Variants in PRKAR1A observed in about 807,000 individuals in gnomAD.
The protein encoded by PRKAR1A is protein kinase cAMP-dependent type I regulatory subunit alpha.
Under a neutral mutation model 52.0 loss-of-function variants are expected in PRKAR1A, and 3 were observed. The ratio of observed to expected loss-of-function variants is 0.06; its 90% CI spans 0.03 to 0.15. The LOEUF is 0.15. Among genes scored for constraint, PRKAR1A ranks in the 10% least tolerant of loss-of-function variants. PRKAR1A has a pLI of 1.00. For synonymous variants in PRKAR1A, 188 were observed against 168.4 expected (o/e 1.12, Z -0.90); for missense variants, 240 against 477.4 (o/e 0.50, Z 4.63).
At chr17:68,537,107 C>T (rs372549540), downstream of PRKAR1A, 923 of 470,710 alleles carry the variant, frequency 2.0e-3, 2 homozygotes, top group Middle Eastern at 3.3e-3. The surrounding 1 kb of genome is among the most constrained non-coding windows in gnomAD (Gnocchi z 4.2). Context: ...GAATAAGGAT[C>T]CTGAGAAGTC....
the PRKAR1A span, among the ~76,000 whole-genome samples, chr17:68,415,184 C>T: frequency 2.6e-5 from 4 of 152,060 alleles, no homozygotes; most frequent in Admixed American, 6.6e-5. Context: ...CCCCTTAGCC[C>T]CTCCTTTGCT....
intron 1 of PRKAR1A, chr17:68,513,135 C>T (rs942884529): frequency 6.6e-6 from 1 of 152,458 alleles, no homozygotes; most frequent in Non-Finnish European, 1.5e-5. Context: ...ATTTTGCCCC[C>T]CTGAGGCCTC....
chr17:68,524,160 T>A, intron 5 of PRKAR1A, 83 bp downstream of exon 5: 1 of 1,434,638 alleles, frequency 7.0e-7, no homozygotes, highest in Non-Finnish European at 9.8e-7. Context: ...TTATTGAAGT[T>A]TGTTTTCCTC....
chr17:68,494,623 TG>T, the PRKAR1A span, among the ~76,000 whole-genome samples: 2 of 152,136 alleles, frequency 1.3e-5, no homozygotes, highest in Non-Finnish European at 2.9e-5. Context: ...ATGCAGCTTT[TG>T]CCTGCCTCTC....
chr17:68,459,978 G>C, the PRKAR1A span, among the ~76,000 whole-genome samples: 1 of 151,716 alleles, frequency 6.6e-6, no homozygotes, highest in African/African-American at 2.4e-5. Context: ...CCGCCACCAT[G>C]CCCAGCTAAT....
the PRKAR1A span, among the ~76,000 whole-genome samples, chr17:68,461,487 A>G: frequency 6.6e-6 from 1 of 152,212 alleles, no homozygotes; most frequent in Non-Finnish European, 1.5e-5. This position sits in a 1 kb window ranked among gnomAD's most constrained non-coding sequence, Gnocchi z 4.6. Context: ...CTGTCACCCC[A>G]TATGGTCATT....
At chr17:68,457,256 A>G in the PRKAR1A span, 1 of 1,477,446 alleles carries the variant, frequency 6.8e-7, no homozygotes, top group East Asian at 2.8e-5. Flanking sequence ...CTCGAGGCGG[A>G]AGCCACAAGC....
Position 68,515,531 on chromosome 17 carries a change from G to A in PRKAR1A, c.132G>A (p.Glu44=), listed in dbSNP as rs145590804. 47 of 1,612,936 alleles carry A rather than the reference G, an allele frequency of 2.9e-5. No homozygotes were observed. Among genetic ancestry groups the A allele is most frequent in the Non-Finnish European group, 3.9e-5 (46 of 1,180,034 alleles). Residue 44 remains glutamate, a synonymous_variant, in exon 2 of 11, where the codon GAG becomes GAA. Transcript: ENST00000589228. ...SIVQLCTARP[E]RPMAFLREYF... ...TGCAGTTGTGCACTGCTCGACCTGAGAGACCCATGGCATTCCTCAGGGAAT... is the reference window on the plus strand; with the variant it reads ...TGCAGTTGTGCACTGCTCGACCTGAAAGACCCATGGCATTCCTCAGGGAAT...
chr17:68,533,110 A>C lies in PRKAR1A; in HGVS notation c.*2661A>C, dbSNP rs2086021199. 9.4e-7 allele frequency: 1 copy of C among 1,064,584 alleles called. No homozygotes were observed. Among genetic ancestry groups the C allele is most frequent in the Non-Finnish European group, 1.1e-6 (1 of 878,824 alleles). 65.9% of individuals were successfully genotyped at this position (1,064,584 alleles called of 1,614,324 possible). ...GGGGAAACATCATTTCTAGATTAGC[A>C]TACTCTTTGGTTTAAATTTAATATA... is the stretch of plus-strand genomic sequence containing the variant. On this transcript the variant is annotated 3_prime_UTR_variant, in exon 11 of 11. Coordinates refer to ENST00000589228, the MANE Select transcript of PRKAR1A (RefSeq NM_002734.5).
the PRKAR1A span, among the ~76,000 whole-genome samples, chr17:68,496,818 CTTTTTTTTTTTT>C: frequency 2.2e-5 from 2 of 91,240 alleles, no homozygotes; most frequent in East Asian, 3.4e-4. Context: ...TTAGTTTTTA[CTTTTTTTTTTTT>C]TTTTTTTTTT....
At chr17:68,506,999 G>C (rs866379518), upstream of PRKAR1A, among the ~76,000 whole-genome samples, 1 of 152,102 alleles carries the variant, frequency 6.6e-6, no homozygotes, top group Non-Finnish European at 1.5e-5. Context: ...TTATTTCCTG[G>C]GGAGAAAGCC....
chr17:68,458,562 GAA>G, the PRKAR1A span, among the ~76,000 whole-genome samples: 55 of 152,330 alleles, frequency 3.6e-4, no homozygotes, highest in Non-Finnish European at 6.2e-4. Flanking sequence ...TGAAAAAAAT[GAA>G]AGTGTGTGTA....
chr17:68,435,819 C>T, the PRKAR1A span: 1 of 969,640 alleles, frequency 1.0e-6, no homozygotes, highest in Non-Finnish European at 1.6e-6. Context: ...TGTCCAGCTC[C>T]CTGTCTCTTC....
the PRKAR1A span, among the ~76,000 whole-genome samples, chr17:68,501,609 C>A: frequency 1.3e-5 from 2 of 152,180 alleles, no homozygotes; most frequent in Non-Finnish European, 2.9e-5. Context: ...ATGTGCATAA[C>A]CATGCCTGGC....
At chr17:68,489,167 T>C in the PRKAR1A span, among the ~76,000 whole-genome samples, 1 of 109,526 alleles carries the variant, frequency 9.1e-6, no homozygotes, top group East Asian at 2.6e-4. Flanking sequence ...AAATACTAAG[T>C]GAGCACCCAT....
chr17:68,452,568 AAAAG>A, the PRKAR1A span, among the ~76,000 whole-genome samples: 2 of 152,214 alleles, frequency 1.3e-5, no homozygotes, highest in African/African-American at 2.4e-5. Flanking sequence ...CCATCTCAAA[AAAAG>A]AAAGAAAGAA....
chr17:68,432,130 C>G, the PRKAR1A span, among the ~76,000 whole-genome samples: 1 of 151,930 alleles, frequency 6.6e-6, no homozygotes, highest in African/African-American at 2.4e-5. Flanking sequence ...TTGGGTTACA[C>G]CTGTGCAGAT....
At position 68,531,538 on chromosome 17, in the gene PRKAR1A, A is replaced by G. The variant is rs1278060633; in HGVS notation, c.*1089A>G. ...TCACTGGGGCATGAGATTTTGGAAG[A>G]AGTTTTTTACTTTGGTTTAGTCTTT... On this transcript the variant is annotated 3_prime_UTR_variant, in exon 11 of 11. Transcript: ENST00000589228. The G allele has an allele frequency of 2.8e-6, 3 of 1,066,196 alleles. No homozygotes were observed. In the African/African-American group the frequency reaches 4.9e-5, roughly 17 times the overall value. 66.0% of individuals were successfully genotyped at this position (1,066,196 alleles called of 1,614,324 possible). A position where few individuals can be genotyped will look rare whatever the true frequency, so the allele number is the denominator to read the frequency against.
chr17:68,542,884 G>A lies in PRKAR1A; in HGVS notation c.974-8200G>A, dbSNP rs1288303574. 5.2e-6 allele frequency: 6 copies of A among 1,143,192 alleles called. No homozygotes were observed. The African/African-American group carries it at 6.1e-5, about 12-fold the overall frequency. 70.8% of individuals were successfully genotyped at this position (1,143,192 alleles called of 1,614,324 possible). ...GAGGAGGGGTTTTGTCCCCCGGCCA[G>A]TGCACATTAGGAATTGGCTGGTGTA... is the stretch of plus-strand genomic sequence containing the variant. On this transcript the variant is annotated intron_variant, in intron 11 of 11. Coordinates refer to the PRKAR1A transcript ENST00000585981.
Sources: gnomAD v4.1 joint callset for allele counts (sites outside exome capture counted in the v4.1 genomes callset) on GRCh38, gnomAD v4.1.1 for gene constraint, Gnocchi (gnomAD v3.1) non-coding constraint, MANE v1.5 for transcripts, NCBI Gene and HGNC (gene_info 2026-07-23, HGNC 2026-07-21) for gene names.